Variants in CDH13 observed in about 807,000 individuals in gnomAD.
The protein encoded by CDH13 is cadherin 13.
A neutral mutation model predicts 63.8 loss-of-function variants in CDH13; 24 were observed. That is an observed-to-expected ratio of 0.38 (90% CI 0.27 to 0.53). The LOEUF is 0.53. Ranked by LOEUF, CDH13 falls within the 20% of genes least tolerant of loss-of-function variation. CDH13 has a pLI of 0.85. For synonymous variants in CDH13, 503 were observed against 355.3 expected (o/e 1.42, Z -4.67); for missense variants, 1,049 against 903.1 (o/e 1.16, Z -2.07).
intron 3 of CDH13, among the ~76,000 whole-genome samples, chr16:83,120,619 TA>T (rs1211543805): frequency 1.3e-5 from 2 of 152,236 alleles, no homozygotes; most frequent in African/African-American, 2.4e-5. Context: ...AGGCTCAAGA[TA>T]TTTTTTTAAT....
chr16:83,712,610 G>C lies in CDH13; in HGVS notation c.1538+34149G>C, dbSNP rs1045379551. Among the ~76,000 whole-genome samples the C allele has an allele frequency of 3.9e-5, 6 of 152,312 alleles. No homozygotes were observed. The South Asian group carries it at 1.2e-3, about 32-fold the overall frequency. On this transcript the variant is annotated intron_variant, in intron 10 of 13. Coordinates refer to ENST00000567109, the MANE Select transcript of CDH13 (RefSeq NM_001257.5). Reference sequence around the variant, plus strand: ...GTGCTGTACCTGTACAAGCCAGCAAGGCAAAGAGGCCTGGTTGCAAGATGT... The same window carrying C: ...GTGCTGTACCTGTACAAGCCAGCAACGCAAAGAGGCCTGGTTGCAAGATGT...
Position 83,799,718 on chromosome 16 carries a change from TA to T in CDH13, c.*4692del, listed in dbSNP as rs1486683474. 6.6e-6 allele frequency: 1 copy of T among 152,246 alleles called. No individual in the cohort carries two copies. The highest frequency in any genetic ancestry group is 6.5e-5 in the Admixed American group (1 of 15,282). The allele number at this position is 152,246 out of a possible 1,614,324, so 9.4% of individuals were successfully genotyped here. A position where few individuals can be genotyped will look rare whatever the true frequency, so the allele number is the denominator to read the frequency against. Reference sequence around the variant, plus strand: ...TTTGATAATTTTCACAGTCTAATGATAAAATGCTTTCAAAATGGTTCATCTA... The same window carrying T: ...TTTGATAATTTTCACAGTCTAATGATAAATGCTTTCAAAATGGTTCATCTA... On this transcript the variant is annotated 3_prime_UTR_variant, in exon 14 of 14. Transcript: ENST00000567109.
At chr16:82,804,127 C>G (rs1597641806) in intron 1 of CDH13, among the ~76,000 whole-genome samples, 1 of 132,778 alleles carries the variant, frequency 7.5e-6, no homozygotes, top group Non-Finnish European at 1.6e-5. Flanking sequence ...ACTCAGGAGG[C>G]TGAGGCAAGA....
chr16:83,731,585 G>T (rs909228264), intron 10 of CDH13, among the ~76,000 whole-genome samples: 1 of 152,152 alleles, frequency 6.6e-6, no homozygotes, highest in Non-Finnish European at 1.5e-5. Flanking sequence ...CATAATTTGT[G>T]AATATTTCTT....
chr16:83,403,581 C>T (rs1025940062), intron 6 of CDH13, among the ~76,000 whole-genome samples: 4 of 152,040 alleles, frequency 2.6e-5, no homozygotes, highest in African/African-American at 4.8e-5. Context: ...CGAGATGGCA[C>T]AATTGCAGTC....
chr16:82,885,651 T>C (rs185308988), intron 2 of CDH13, among the ~76,000 whole-genome samples: 2 of 152,266 alleles, frequency 1.3e-5, no homozygotes, highest in Admixed American at 6.5e-5. Context: ...ATCCATCCAT[T>C]CATCCTGGGA....
At chr16:83,426,194 C>G (rs931381239) in intron 6 of CDH13, among the ~76,000 whole-genome samples, 2 of 152,120 alleles carry the variant, frequency 1.3e-5, no homozygotes, top group Non-Finnish European at 2.9e-5. Flanking sequence ...ATGTTCACTC[C>G]TCCCAGCCTC....
At chr16:82,922,379 A>G (rs1311178951) in intron 2 of CDH13, among the ~76,000 whole-genome samples, 7 of 152,228 alleles carry the variant, frequency 4.6e-5, no homozygotes, top group African/African-American at 1.7e-4. Flanking sequence ...GTATTACAGA[A>G]GAAGACATAG....
intron 2 of CDH13, among the ~76,000 whole-genome samples, chr16:82,989,421 G>A (rs1462098350): frequency 6.6e-6 from 1 of 152,196 alleles, no homozygotes; most frequent in African/African-American, 2.4e-5. Flanking sequence ...GAGAGGGATG[G>A]GGAGATGAAG....
chr16:83,012,282 A>C (rs1453877599), intron 2 of CDH13, among the ~76,000 whole-genome samples: 13 of 149,050 alleles, frequency 8.7e-5, no homozygotes, highest in Non-Finnish European at 1.5e-5. Context: ...ATTTAGAGAG[A>C]TGTTAAAACA....
At chr16:82,635,967 A>C (rs1908606109) in intron 1 of CDH13, among the ~76,000 whole-genome samples, 1 of 151,914 alleles carries the variant, frequency 6.6e-6, no homozygotes, top group African/African-American at 2.4e-5. Flanking sequence ...CACGATTGTA[A>C]GTTTCCTGAG....
intron 2 of CDH13, among the ~76,000 whole-genome samples, chr16:82,949,120 C>T (rs1016256775): frequency 1.3e-5 from 2 of 152,148 alleles, no homozygotes; most frequent in African/African-American, 4.8e-5. Flanking sequence ...TGAAAAAGTA[C>T]TGGGTGACTT....
intron 7 of CDH13, among the ~76,000 whole-genome samples, chr16:83,503,738 G>C (rs1415593601): frequency 2.0e-5 from 3 of 152,064 alleles, no homozygotes; most frequent in African/African-American, 7.2e-5. Flanking sequence ...TAATGGGGTT[G>C]TTTGTTTTTT....
chr16:83,104,666 G>T (rs1206633151), intron 3 of CDH13, among the ~76,000 whole-genome samples: 1 of 152,122 alleles, frequency 6.6e-6, no homozygotes, highest in East Asian at 1.9e-4. Flanking sequence ...GTTAAATATT[G>T]TGAATAACTC....
In CDH13 at chr16:83,014,097, A is replaced by G. The variant is rs142002487; in HGVS notation, c.158-17913A>G. Among the ~76,000 whole-genome samples, 426 of 143,222 alleles carry G rather than the reference A, an allele frequency of 3.0e-3. 5 individuals are homozygous for G. The highest frequency in any genetic ancestry group is 3.5e-3 in the Non-Finnish European group (221 of 62,500). The allele number at this position is 143,222 out of a possible 152,430, so 94.0% of individuals were successfully genotyped here. ...AAAAAAGCAAAAAGAACAAGTAATG[A>G]CAAGTTGAACTCCTGAATATTCTGA... On this transcript the variant is annotated intron_variant, in intron 2 of 13. Transcript: ENST00000567109.
intron 5 of CDH13, among the ~76,000 whole-genome samples, chr16:83,220,086 G>A (rs974504476): frequency 6.6e-6 from 1 of 152,178 alleles, no homozygotes; most frequent in East Asian, 1.9e-4. Context: ...CCTTGGCAGC[G>A]CACTCTTCAA....
intron 7 of CDH13, among the ~76,000 whole-genome samples, chr16:83,506,639 C>A (rs1034421479): frequency 6.6e-6 from 1 of 152,198 alleles, no homozygotes; most frequent in Non-Finnish European, 1.5e-5. Flanking sequence ...GTGGTCCCCT[C>A]CCACATCGAA....
intron 7 of CDH13, among the ~76,000 whole-genome samples, chr16:83,598,016 G>A (rs1907436313): frequency 6.6e-6 from 1 of 152,276 alleles, no homozygotes; most frequent in Non-Finnish European, 1.5e-5. Flanking sequence ...TATCCAACAC[G>A]ACATTTAGAC....
intron 1 of CDH13, among the ~76,000 whole-genome samples, chr16:82,761,066 C>T (rs1250207747): frequency 2.8e-5 from 3 of 105,480 alleles, no homozygotes; most frequent in South Asian, 6.7e-4. Flanking sequence ...CTCTGTCACC[C>T]AGACTGGAGT....
Sources: allele counts gnomAD v4.1 joint callset (sites outside exome capture counted in the v4.1 genomes callset), GRCh38; gene constraint gnomAD v4.1.1; transcripts MANE v1.5; gene names NCBI Gene and HGNC (gene_info 2026-07-23, HGNC 2026-07-21).